The following DLGAP2 variants were observed in gnomAD, a reference collection of about 807,000 sequenced individuals.
DLGAP2 encodes DLG associated protein 2.
DLGAP2 carries 26 observed loss-of-function variants against 100.3 expected under a neutral mutation model. The ratio of observed to expected loss-of-function variants is 0.26; its 90% CI spans 0.19 to 0.36. The LOEUF (loss-of-function observed/expected upper bound fraction) is 0.36, where lower values mean the gene tolerates loss of function less well. Among genes scored for constraint, DLGAP2 ranks in the 10% least tolerant of loss-of-function variants. The probability of loss-of-function intolerance (pLI) is 1.00; values close to 1 mark genes in which losing one functional copy is unlikely to be tolerated. For missense variants in DLGAP2, 1,858 were observed against 1,453.2 expected, an observed-to-expected ratio of 1.28 and a Z score of -4.53; for synonymous variants, 886 against 630.1, an observed-to-expected ratio of 1.41 and a Z score of -6.08.
chr8:1,357,713 A>G (rs549962594), intron 3 of DLGAP2, among the ~76,000 whole-genome samples: 1 of 152,314 alleles, frequency 6.6e-6, no homozygotes, highest in Admixed American at 6.5e-5. Flanking sequence ...CCTTGCTGCG[A>G]TACGCAGCAC....
intron 2 of DLGAP2, among the ~76,000 whole-genome samples, chr8:1,130,251 G>C (rs958638135): frequency 6.6e-6 from 1 of 152,140 alleles, no homozygotes; most frequent in East Asian, 1.9e-4. Context: ...TTTGAAAGTT[G>C]TTATTTGGAG....
chr8:1,355,964 TG>T (rs981034732), intron 3 of DLGAP2, among the ~76,000 whole-genome samples: 15 of 152,240 alleles, frequency 9.9e-5, no homozygotes, highest in African/African-American at 3.6e-4. Context: ...GAAGCACCGG[TG>T]GCCTCACCCA....
At chr8:1,054,256 A>G (rs1281016416) in intron 2 of DLGAP2, among the ~76,000 whole-genome samples, 1 of 151,914 alleles carries the variant, frequency 6.6e-6, no homozygotes, top group African/African-American at 2.4e-5. Flanking sequence ...ACACGTACAC[A>G]CACGCACACA....
Position 858,572 on chromosome 8 carries a change from C to T in DLGAP2, c.19-49340C>T, listed in dbSNP as rs540601496. On this transcript the variant is annotated intron_variant, in intron 1 of 14. Coordinates refer to ENST00000637795, the MANE Select transcript of DLGAP2 (RefSeq NM_001346810.2). Reference sequence around the variant, plus strand: ...GTGGGCACATGTGTGATGCTGTCACCGTGGGGACATGTGTGACGCTGTCAC... The same window carrying T: ...GTGGGCACATGTGTGATGCTGTCACTGTGGGGACATGTGTGACGCTGTCAC... Among the ~76,000 whole-genome samples the T allele has an allele frequency of 1.3e-4, 18 of 137,190 alleles. No individual in the cohort carries two copies. The East Asian group carries it at 2.2e-3, about 16-fold the overall frequency. The allele number at this position is 137,190 out of a possible 152,430, so 90.0% of individuals were successfully genotyped here. A position where few individuals can be genotyped will look rare whatever the true frequency, so the allele number is the denominator to read the frequency against.
intron 3 of DLGAP2, among the ~76,000 whole-genome samples, chr8:1,372,363 C>G (rs181894250): frequency 1.3e-5 from 2 of 152,220 alleles, no homozygotes; most frequent in Non-Finnish European, 2.9e-5. Flanking sequence ...CCAACACTTA[C>G]CGAGGGCCGA....
chr8:1,446,756 CT>C (rs1797995469), intron 3 of DLGAP2, among the ~76,000 whole-genome samples: 1 of 152,192 alleles, frequency 6.6e-6, no homozygotes, highest in Non-Finnish European at 1.5e-5. Flanking sequence ...TTTGTATCCT[CT>C]TTTATTTCAT....
At chr8:876,282 A>T (rs1797686193) in intron 1 of DLGAP2, among the ~76,000 whole-genome samples, 1 of 152,210 alleles carries the variant, frequency 6.6e-6, no homozygotes, top group African/African-American at 2.4e-5. Flanking sequence ...TTCAGCCTCA[A>T]GAACTTTCTT....
At chr8:1,137,250 A>C (rs1796435186) in intron 2 of DLGAP2, 1 of 152,348 alleles carries the variant, frequency 6.6e-6, no homozygotes, top group South Asian at 2.1e-4. Flanking sequence ...AGTCCTATTG[A>C]ATTAGGGTTC....
rs187428459 is a variant in DLGAP2 at position 1,581,475 on chromosome 8, T to C, written c.1442+15581T>C. Among the ~76,000 whole-genome samples, 297 of 132,990 alleles carry C rather than the reference T, an allele frequency of 2.2e-3. 5 individuals are homozygous for C. Among genetic ancestry groups the C allele is most frequent in the African/African-American group, 8.1e-3 (281 of 34,508 alleles). 87.2% of individuals were successfully genotyped at this position (132,990 alleles called of 152,430 possible). ...AAGGATACAGACAAAACTCCACACA[T>C]ATATACACCACAGTCAAACTACCAG... is the stretch of plus-strand genomic sequence containing the variant. On this transcript the variant is annotated intron_variant, in intron 6 of 14. Transcript: ENST00000637795.
At position 1,255,058 on chromosome 8, in the gene DLGAP2, CTCA is replaced by C. The variant is rs565348850; in HGVS notation, c.74-3790_74-3788del. On this transcript the variant is annotated intron_variant, in intron 2 of 14. Transcript: ENST00000637795. ...TGCCCAGCCGCTGTGTGTGTGTCCTCTCATCCTGCCCGGCCGCTGTGTGTGTGT... is the reference window on the plus strand; with the variant it reads ...TGCCCAGCCGCTGTGTGTGTGTCCTCTCCTGCCCGGCCGCTGTGTGTGTGT... Among the ~76,000 whole-genome samples, 157 of 132,538 alleles carry C rather than the reference CTCA, an allele frequency of 1.2e-3. 2 individuals carry two copies. Among genetic ancestry groups the C allele is most frequent in the Admixed American group, 2.6e-3 (34 of 12,842 alleles). 87.0% of individuals were successfully genotyped at this position (132,538 alleles called of 152,430 possible). A position where few individuals can be genotyped will look rare whatever the true frequency, so the allele number is the denominator to read the frequency against.
At chr8:1,320,692 G>T (rs1198151924) in intron 3 of DLGAP2, among the ~76,000 whole-genome samples, 1 of 152,184 alleles carries the variant, frequency 6.6e-6, no homozygotes, top group Non-Finnish European at 1.5e-5. Flanking sequence ...TGAACCAGCT[G>T]CCACTTCCCA....
At chr8:1,334,366 A>G (rs1801224469) in intron 3 of DLGAP2, among the ~76,000 whole-genome samples, 1 of 152,178 alleles carries the variant, frequency 6.6e-6, no homozygotes, top group African/African-American at 2.4e-5. Context: ...TCACCAACCC[A>G]AAAATGACAT....
At chr8:837,864 G>A (rs985635973) in intron 1 of DLGAP2, among the ~76,000 whole-genome samples, 1 of 148,616 alleles carries the variant, frequency 6.7e-6, no homozygotes, top group Non-Finnish European at 1.5e-5. Context: ...TTACAGGCAT[G>A]CATCACCACG....
intron 1 of DLGAP2, among the ~76,000 whole-genome samples, chr8:798,091 C>T (rs1197749385): frequency 6.6e-6 from 1 of 152,222 alleles, no homozygotes; most frequent in East Asian, 1.9e-4. Flanking sequence ...CCTGTTGCAT[C>T]TTCACCAGGC....
At chr8:1,065,538 C>G (rs533989500) in intron 2 of DLGAP2, among the ~76,000 whole-genome samples, 1 of 152,188 alleles carries the variant, frequency 6.6e-6, no homozygotes, top group Non-Finnish European at 1.5e-5. Flanking sequence ...ACAACATCCT[C>G]TAAACCAGTG....
At chr8:1,064,237 T>A (rs925534746) in intron 2 of DLGAP2, among the ~76,000 whole-genome samples, 1 of 152,246 alleles carries the variant, frequency 6.6e-6, no homozygotes, top group Non-Finnish European at 1.5e-5. Context: ...ATTGCTTTTT[T>A]AAGCCAAGTC....
chr8:1,285,187 T>A (rs1010037225), intron 3 of DLGAP2, among the ~76,000 whole-genome samples: 1 of 152,216 alleles, frequency 6.6e-6, no homozygotes, highest in African/African-American at 2.4e-5. Flanking sequence ...GTTGTGTTGG[T>A]CACGTTCCCA....
At chr8:1,028,689 A>G (rs1177901229) in intron 2 of DLGAP2, among the ~76,000 whole-genome samples, 3 of 152,236 alleles carry the variant, frequency 2.0e-5, no homozygotes, top group African/African-American at 7.2e-5. Flanking sequence ...TGTGGAGACA[A>G]AGGAGGCTGG....
At chr8:1,213,848 T>C (rs1180223410) in intron 2 of DLGAP2, among the ~76,000 whole-genome samples, 1 of 152,206 alleles carries the variant, frequency 6.6e-6, no homozygotes, top group Non-Finnish European at 1.5e-5. Context: ...TGATCCCTGC[T>C]TGCCTAGAAG....
Sources: gnomAD v4.1 joint callset for allele counts (sites outside exome capture counted in the v4.1 genomes callset) on GRCh38, gnomAD v4.1.1 for gene constraint, MANE v1.5 for transcripts, NCBI Gene and HGNC (gene_info 2026-07-23, HGNC 2026-07-21) for gene names.